Variants in USP7 observed in about 807,000 individuals in gnomAD.
USP7 encodes ubiquitin specific peptidase 7.
USP7 carries 9 observed loss-of-function variants against 162.9 expected under a neutral mutation model. That is an observed-to-expected ratio of 0.06 (90% CI 0.03 to 0.10). USP7 has a LOEUF of 0.10. Among genes scored for constraint, USP7 ranks in the 10% least tolerant of loss-of-function variants. The probability of loss-of-function intolerance (pLI) is 1.00; values close to 1 mark genes in which losing one functional copy is unlikely to be tolerated. For missense variants in USP7, 715 were observed against 1,373.7 expected (o/e 0.52, Z 7.58); for synonymous variants, 562 against 475.9 (o/e 1.18, Z -2.35).
At chr16:8,917,240 TA>T (rs563346021) in intron 6 of USP7, 84 bp from the exon 7 acceptor site, 22,310 of 1,441,552 alleles carry the variant, frequency 0.015, 228 homozygotes, top group Non-Finnish European at 0.018. Flanking sequence ...TCTTCATGTT[TA>T]AAAAAATCAT....
chr16:8,902,844 C>T (rs946337391), intron 16 of USP7, among the ~76,000 whole-genome samples: 2 of 151,894 alleles, frequency 1.3e-5, no homozygotes, highest in Admixed American at 6.6e-5. Context: ...GCCAAGATCG[C>T]GCCACTGGGC....
chr16:8,923,191 T>C, intron 3 of USP7, 24 bp downstream of exon 3: 1 of 100,308 alleles, frequency 1.0e-5, no homozygotes, highest in Non-Finnish European at 1.7e-5. Flanking sequence ...AAATTTGGCT[T>C]CCAGTAATGA....
At position 8,893,664 on chromosome 16, in the gene USP7, G is replaced by A. The variant is rs75238810; in HGVS notation, c.*334C>T. ...CCCCAGGAAGGCAGCCGAGCCACTC[G>A]TGCCCACTAGGGACAGCCCAGAGAC... On this transcript the variant is annotated 3_prime_UTR_variant, in exon 31 of 31. Transcript: ENST00000344836. The A allele has an allele frequency of 3.2e-5, 8 of 249,474 alleles. No homozygotes were observed. The East Asian group carries it at 3.5e-4, about 11-fold the overall frequency. 15.5% of individuals were successfully genotyped at this position (249,474 alleles called of 1,614,324 possible).
chr16:8,947,574 C>T (rs1567244465), intron 1 of USP7, among the ~76,000 whole-genome samples: 1 of 152,182 alleles, frequency 6.6e-6, no homozygotes, highest in Non-Finnish European at 1.5e-5. Flanking sequence ...TCTCGAACTT[C>T]CGGCCTCAAG....
At chr16:8,911,911 C>A (rs758731615) in intron 10 of USP7, among the ~76,000 whole-genome samples, 1 of 152,124 alleles carries the variant, frequency 6.6e-6, no homozygotes, top group Admixed American at 6.5e-5. Flanking sequence ...GTCTGTGTTC[C>A]CACCAGCCAC....
At chr16:8,922,268 C>T (rs1312146341) in intron 3 of USP7, among the ~76,000 whole-genome samples, 3 of 152,228 alleles carry the variant, frequency 2.0e-5, no homozygotes, top group African/African-American at 4.8e-5. Flanking sequence ...ACAGGCAGAT[C>T]ACCTGAGGTC....
intron 1 of USP7, among the ~76,000 whole-genome samples, chr16:8,944,887 C>A (rs1360395234): frequency 7.0e-6 from 1 of 143,770 alleles, no homozygotes; most frequent in Non-Finnish European, 1.5e-5. Context: ...AGGGGCAGAT[C>A]GAATGAGGTC....
intron 26 of USP7, 71 bp from the exon 27 acceptor site, chr16:8,895,812 T>C (rs2061672176): frequency 1.8e-6 from 2 of 1,088,380 alleles, no homozygotes; most frequent in South Asian, 1.5e-5. Flanking sequence ...AATGGTTTTC[T>C]AGAAAGAAAT....
At chr16:8,917,294 C>A (rs940813137) in intron 6 of USP7, 138 bp from the exon 7 acceptor site, 3 of 1,022,854 alleles carry the variant, frequency 2.9e-6, no homozygotes, top group Non-Finnish European at 4.0e-6. Flanking sequence ...GGGCTTTTAA[C>A]GATCCCCAAA....
chr16:8,926,578 G>A (rs1241135355), intron 2 of USP7, among the ~76,000 whole-genome samples: 2 of 152,184 alleles, frequency 1.3e-5, no homozygotes, highest in African/African-American at 4.8e-5. Context: ...CTCCTACGAG[G>A]AATTACATGA....
At position 8,942,020 on chromosome 16, in the gene USP7, G is replaced by C. The variant is rs377627909; in HGVS notation, c.80-11623C>G. ...TGGCAAGCACAGAGTGGCAAATTCT[G>C]TGGCAAGCACAGAGTGCAAGAAGCC... On this transcript the variant is annotated intron_variant, in intron 1 of 30. Transcript: ENST00000344836. 3.6e-4 allele frequency among the ~76,000 whole-genome samples: 55 copies of C among 152,352 alleles called. No individual in the cohort carries two copies. The South Asian group carries it at 8.5e-3, about 24-fold the overall frequency.
At chr16:8,915,968 C>G (rs1897346367) in intron 8 of USP7, among the ~76,000 whole-genome samples, 1 of 152,228 alleles carries the variant, frequency 6.6e-6, no homozygotes, top group Admixed American at 6.5e-5. Flanking sequence ...ACACACCTTG[C>G]CCAGCCAATC....
intron 2 of USP7, among the ~76,000 whole-genome samples, chr16:8,927,385 G>A (rs1596387347): frequency 6.6e-6 from 1 of 152,070 alleles, no homozygotes; most frequent in Non-Finnish European, 1.5e-5. Context: ...CAGAAAGGTT[G>A]GTATGAAATT....
At chr16:8,943,782 C>G (rs1250168921) in intron 1 of USP7, among the ~76,000 whole-genome samples, 1 of 152,192 alleles carries the variant, frequency 6.6e-6, no homozygotes, top group East Asian at 1.9e-4. Context: ...AATGTTACCA[C>G]AAAAACCCAT....
intron 10 of USP7, among the ~76,000 whole-genome samples, chr16:8,912,765 T>C (rs1444299778): frequency 6.8e-6 from 1 of 146,752 alleles, no homozygotes; most frequent in East Asian, 2.0e-4. Context: ...CTCCAAATAA[T>C]TATAATTAAT....
chr16:8,955,629 C>G (rs1345309102), intron 1 of USP7, among the ~76,000 whole-genome samples: 1 of 135,968 alleles, frequency 7.4e-6, no homozygotes, highest in African/African-American at 2.6e-5. Flanking sequence ...TCGCTTGAAC[C>G]TGGGAGGAGG....
At chr16:8,902,504 G>C in intron 16 of USP7, 22 bp from the exon 17 acceptor site, 1 of 1,603,370 alleles carries the variant, frequency 6.2e-7, no homozygotes, top group Non-Finnish European at 8.5e-7. Context: ...ATTAAGAGTA[G>C]ATTAAAATAA....
At position 8,893,982 on chromosome 16, in the gene USP7, C is replaced by T; in HGVS notation, c.*16G>A. 2 of 1,613,060 alleles carry T rather than the reference C, an allele frequency of 1.2e-6. No homozygotes were observed. Among genetic ancestry groups the T allele is most frequent in the Non-Finnish European group, 1.7e-6 (2 of 1,178,990 alleles). ...ACCCACACACCGTCCTCGCCTTGAA[C>T]ACACCAGCTTGGAAATCAGTTATGG... On this transcript the variant is annotated 3_prime_UTR_variant, in exon 31 of 31. Transcript: ENST00000344836.
intron 1 of USP7, among the ~76,000 whole-genome samples, chr16:8,934,773 T>C (rs2447933): frequency 0.64 from 97,961 of 152,132 alleles, 34,168 homozygotes; most frequent in East Asian, 0.86. Flanking sequence ...GGGCCACTGG[T>C]TGGCCACCGA....
Sources: allele counts gnomAD v4.1 joint callset (sites outside exome capture counted in the v4.1 genomes callset), GRCh38; gene constraint gnomAD v4.1.1; transcripts MANE v1.5; gene names NCBI Gene and HGNC (gene_info 2026-07-23, HGNC 2026-07-21).